The following CSMD1 variants were observed in gnomAD, a reference collection of about 807,000 sequenced individuals.
CSMD1 encodes the protein CUB and Sushi multiple domains 1.
Under a neutral mutation model 417.5 loss-of-function variants are expected in CSMD1, and 213 were observed. That is an observed-to-expected ratio of 0.51 (90% CI 0.46 to 0.57). The LOEUF (loss-of-function observed/expected upper bound fraction) is 0.57, where lower values mean the gene tolerates loss of function less well. Ranked by LOEUF, CSMD1 falls within the 20% of genes least tolerant of loss-of-function variation. CSMD1 has a pLI of 0.00. For missense variants in CSMD1, 6,923 were observed against 4,529.7 expected (o/e 1.53, Z -15.17); for synonymous variants, 2,862 against 1,736.8 (o/e 1.65, Z -16.11).
intron 25 of CSMD1, among the ~76,000 whole-genome samples, chr8:3,286,815 C>G (rs1200971217): frequency 1.3e-5 from 2 of 152,106 alleles, no homozygotes; most frequent in Non-Finnish European, 2.9e-5. Flanking sequence ...TGTGCAGAAG[C>G]TCTTTAGTTT....
At chr8:4,360,795 C>G (rs979364048) in intron 3 of CSMD1, among the ~76,000 whole-genome samples, 2 of 151,606 alleles carry the variant, frequency 1.3e-5, no homozygotes, top group African/African-American at 4.8e-5. Flanking sequence ...CACCCGGCCC[C>G]TCGGGGTTCG....
At chr8:4,014,480 G>C (rs933939919) in intron 4 of CSMD1, among the ~76,000 whole-genome samples, 3 of 152,170 alleles carry the variant, frequency 2.0e-5, no homozygotes, top group South Asian at 2.1e-4. Flanking sequence ...TTTAGACATT[G>C]AGTTGGCTTC....
intron 7 of CSMD1, among the ~76,000 whole-genome samples, chr8:3,654,188 A>C (rs1797991701): frequency 6.6e-6 from 1 of 152,176 alleles, no homozygotes; most frequent in Admixed American, 6.5e-5. Flanking sequence ...CATTCTCAGC[A>C]GTGTTTTAAT....
chr8:3,003,863 A>C (rs1482244035), intron 52 of CSMD1, among the ~76,000 whole-genome samples: 1 of 152,200 alleles, frequency 6.6e-6, no homozygotes, highest in East Asian at 1.9e-4. Flanking sequence ...CAGAAATTAG[A>C]AATGTTATAT....
chr8:3,244,078 C>G (rs184456859), intron 26 of CSMD1, among the ~76,000 whole-genome samples: 1 of 152,166 alleles, frequency 6.6e-6, no homozygotes, highest in Non-Finnish European at 1.5e-5. Flanking sequence ...TATACAGAAG[C>G]AGTCGCATCT....
intron 8 of CSMD1, among the ~76,000 whole-genome samples, chr8:3,589,458 G>A (rs1354785768): frequency 6.6e-6 from 1 of 151,928 alleles, no homozygotes; most frequent in Non-Finnish European, 1.5e-5. Flanking sequence ...TAAAAAAGAG[G>A]AAATCTTGCC....
At chr8:4,409,558 C>T (rs1190766869) in intron 3 of CSMD1, among the ~76,000 whole-genome samples, 1 of 152,024 alleles carries the variant, frequency 6.6e-6, no homozygotes, top group Non-Finnish European at 1.5e-5. Flanking sequence ...TCAGAACATG[C>T]CACTCAACAC....
chr8:4,423,046 C>G (rs1019603828), intron 2 of CSMD1, among the ~76,000 whole-genome samples: 4 of 151,852 alleles, frequency 2.6e-5, no homozygotes, highest in Non-Finnish European at 5.9e-5. Context: ...CAAAGAATAT[C>G]TCTACAAAAA....
At chr8:4,476,063 T>G (rs1800787787) in intron 2 of CSMD1, among the ~76,000 whole-genome samples, 1 of 151,984 alleles carries the variant, frequency 6.6e-6, no homozygotes, top group South Asian at 2.1e-4. Context: ...TAAGACAGTG[T>G]GATTTTTTCA....
chr8:3,556,516 G>GCGCACA (rs1342127511), intron 10 of CSMD1, among the ~76,000 whole-genome samples: 1 of 137,668 alleles, frequency 7.3e-6, no homozygotes, highest in African/African-American at 2.8e-5. Context: ...TTTTTCACAC[G>GCGCACA]CACACACACA....
chr8:3,924,485 A>G (rs957396428), intron 5 of CSMD1, among the ~76,000 whole-genome samples: 16 of 152,106 alleles, frequency 1.1e-4, no homozygotes, highest in Non-Finnish European at 1.6e-4. Flanking sequence ...TGAGACTTCT[A>G]TGATACATAT....
Position 3,767,570 on chromosome 8 carries a change from T to C in CSMD1, c.819-13528A>G, listed in dbSNP as rs2720777. Among the ~76,000 whole-genome samples, 1,191 of 152,346 alleles carry C rather than the reference T, an allele frequency of 7.8e-3. 72 individuals carry two copies. In the East Asian group the frequency reaches 0.16, roughly 20 times the overall value. ...AACATCCAAAGCTGATTGCTGACCT[T>C]ATCCAAATACGAGTGTGTGGATCTA... On this transcript the variant is annotated intron_variant, in intron 5 of 69. Transcript: ENST00000635120.
At chr8:3,466,659 C>G (rs914068739) in intron 12 of CSMD1, among the ~76,000 whole-genome samples, 2 of 149,616 alleles carry the variant, frequency 1.3e-5, no homozygotes, top group African/African-American at 2.5e-5. Context: ...GAACTCCTGA[C>G]CTTAAGTGAT....
At chr8:4,575,824 T>C (rs1385267512) in intron 2 of CSMD1, among the ~76,000 whole-genome samples, 2 of 152,220 alleles carry the variant, frequency 1.3e-5, no homozygotes, top group African/African-American at 4.8e-5. Context: ...GAGGTCGCAA[T>C]GTCCTTAGAC....
chr8:3,933,948 C>A (rs1810316490), intron 5 of CSMD1, among the ~76,000 whole-genome samples: 1 of 152,062 alleles, frequency 6.6e-6, no homozygotes, highest in African/African-American at 2.4e-5. Flanking sequence ...AGCCAGGGAC[C>A]TAGGCAGGGA....
At chr8:3,903,542 C>A (rs1807906179) in intron 5 of CSMD1, among the ~76,000 whole-genome samples, 1 of 152,092 alleles carries the variant, frequency 6.6e-6, no homozygotes, top group Admixed American at 6.5e-5. Context: ...GGCATTTTGT[C>A]CTGTTTCTGA....
intron 2 of CSMD1, among the ~76,000 whole-genome samples, chr8:4,637,074 G>A (rs182420629): frequency 2.0e-5 from 3 of 152,026 alleles, no homozygotes; most frequent in Non-Finnish European, 4.4e-5. Flanking sequence ...CAGCCCAACG[G>A]GTTGGTCTCC....
chr8:3,989,169 T>G (rs905743474), intron 5 of CSMD1, among the ~76,000 whole-genome samples: 4 of 152,344 alleles, frequency 2.6e-5, no homozygotes, highest in South Asian at 2.1e-4. Context: ...AAGCGTCTGC[T>G]CATTTGCTCT....
chr8:4,003,257 G>C (rs776477661), intron 4 of CSMD1, among the ~76,000 whole-genome samples: 3 of 152,170 alleles, frequency 2.0e-5, no homozygotes, highest in African/African-American at 7.2e-5. Flanking sequence ...GCTGGGTGTG[G>C]TGACGGGCAC....
Sources: gnomAD v4.1 joint callset for allele counts (sites outside exome capture counted in the v4.1 genomes callset) on GRCh38, gnomAD v4.1.1 for gene constraint, MANE v1.5 for transcripts, NCBI Gene and HGNC (gene_info 2026-07-23, HGNC 2026-07-21) for gene names.